RGPD1: variants seen among roughly 807,000 people sequenced by gnomAD.
RGPD1 encodes RANBP2-like and GRIP domain-containing protein 1.
In RGPD1, 7 loss-of-function variants were observed where a neutral mutation model predicts 40.6. That is an observed-to-expected ratio of 0.17 (90% CI 0.10 to 0.32). The LOEUF is 0.32. Ranked by LOEUF, RGPD1 falls within the 10% of genes least tolerant of loss-of-function variation. The pLI, the probability that RGPD1 is intolerant of heterozygous loss-of-function variation, is 1.00. For synonymous variants in RGPD1, 24 were observed against 167.0 expected, an observed-to-expected ratio of 0.14 and a Z score of 6.60; for missense variants, 50 against 472.5, an observed-to-expected ratio of 0.11 and a Z score of 8.29.
chr2:86,960,726 C>A (rs1451100895), intron 6 of RGPD1, among the ~76,000 whole-genome samples: 3 of 89,152 alleles, frequency 3.4e-5, no homozygotes, highest in South Asian at 3.4e-4. Flanking sequence ...AGTAGCTGGG[C>A]CTACAGGTGC....
In RGPD1 at chr2:86,942,291, G is replaced by A. The variant is rs1167508635; in HGVS notation, c.55G>A (p.Ala19Thr). Residue 19 changes from alanine (A) to threonine (T), a missense_variant, in exon 1 of 23, where the codon GCC (alanine) becomes ACC (threonine). By Grantham distance (58) the Ala-to-Thr change is moderately conservative. Coordinates refer to ENST00000641458, the MANE Select transcript of RGPD1 (RefSeq NM_001382344.1). ...GTACGTCGCCTCGGTGCAGGGCTCCGCCCCGTCGCCTGGAAAGGTGAGTGG... is the reference window on the plus strand; with the variant it reads ...GTACGTCGCCTCGGTGCAGGGCTCCACCCCGTCGCCTGGAAAGGTGAGTGG... ...ERYVASVQGS[A>T]PSPGKKLRGF... The A allele has an allele frequency of 3.2e-5, 51 of 1,601,850 alleles. No individual in the cohort carries two copies. The highest frequency in any genetic ancestry group is 4.2e-5 in the Non-Finnish European group (49 of 1,175,616).
At chr2:86,996,999 A>C (rs1484931315) in intron 21 of RGPD1, among the ~76,000 whole-genome samples, 2 of 134,438 alleles carry the variant, frequency 1.5e-5, no homozygotes, top group African/African-American at 3.0e-5. Flanking sequence ...GAGACGTTCC[A>C]TCAGTTCCCC....
At chr2:86,933,131 A>G (rs1169113675) in intron 1 of RGPD1, among the ~76,000 whole-genome samples, 2 of 149,342 alleles carry the variant, frequency 1.3e-5, no homozygotes, top group African/African-American at 2.4e-5. Flanking sequence ...ATAAATATGT[A>G]TACACATATA....
intron 1 of RGPD1, among the ~76,000 whole-genome samples, chr2:86,918,617 G>A (rs1677908449): frequency 6.7e-6 from 1 of 148,526 alleles, no homozygotes. Flanking sequence ...CCGCCACCAC[G>A]CCCGGCTAAT....
At chr2:86,960,644 C>T (rs1226097288) in intron 6 of RGPD1, among the ~76,000 whole-genome samples, 1 of 125,028 alleles carries the variant, frequency 8.0e-6, no homozygotes, top group Non-Finnish European at 1.6e-5. Context: ...GGCTGGAGTG[C>T]AGTGGTGCCA....
chr2:86,914,030 C>CCTCGGCCTCCGCCTGGCCG (rs1677587581), intron 1 of RGPD1: 1 of 51,330 alleles, frequency 1.9e-5, no homozygotes, highest in Non-Finnish European at 3.4e-5. Flanking sequence ...GCGGCGGCGG[C>CCTCGGCCTCCGCCTGGCCG]GGCGGCGGCG....
chr2:86,918,435 T>C lies in RGPD1; in HGVS notation c.72+4514T>C, dbSNP rs574350159. The stretch of plus-strand genomic sequence containing the variant: ...CTCAGCTGTACCATTCTATATGTTT[T>C]AGCCTTGCACACCAAATCTTTTTTT... On this transcript the variant is annotated intron_variant, in intron 1 of 22. Coordinates refer to the RGPD1 transcript ENST00000398193. Among the ~76,000 whole-genome samples, 10 of 145,562 alleles carry C rather than the reference T, an allele frequency of 6.9e-5. No homozygotes were observed. The South Asian group carries it at 2.0e-3, about 29-fold the overall frequency.
intron 1 of RGPD1, among the ~76,000 whole-genome samples, chr2:86,918,202 C>T (rs1341273925): frequency 1.3e-5 from 2 of 151,092 alleles, no homozygotes; most frequent in Non-Finnish European, 3.0e-5. Flanking sequence ...ACCATCTACT[C>T]TGTTAATGGT....
chr2:86,914,526 G>T (rs1179299711), intron 1 of RGPD1, among the ~76,000 whole-genome samples: 2 of 36,124 alleles, frequency 5.5e-5, no homozygotes, highest in Non-Finnish European at 1.1e-4. Flanking sequence ...GGCGGCGGCG[G>T]CGGCCTCGGC....
intron 1 of RGPD1, among the ~76,000 whole-genome samples, chr2:86,920,167 T>G (rs1297224801): frequency 3.9e-5 from 6 of 151,922 alleles, no homozygotes; most frequent in Admixed American, 3.3e-4. Flanking sequence ...CCTCCTAAGT[T>G]GAAGCGATTC....
intron 22 of RGPD1, among the ~76,000 whole-genome samples, chr2:87,000,146 T>C (rs1681922587): frequency 8.3e-6 from 1 of 120,666 alleles, no homozygotes; most frequent in Non-Finnish European, 1.6e-5. Flanking sequence ...CACCTAAGAG[T>C]AAAACTGCCC....
intron 1 of RGPD1, among the ~76,000 whole-genome samples, chr2:86,915,763 AG>A (rs2104651246): frequency 1.7e-4 from 2 of 11,822 alleles, no homozygotes. Flanking sequence ...GTGGCATGAC[AG>A]TGGAAAGGGA....
In RGPD1 at chr2:86,945,735, G is replaced by A. The variant is rs1460513036; in HGVS notation, c.72+3427G>A. Among the ~76,000 whole-genome samples the A allele has an allele frequency of 2.1e-4, 31 of 150,176 alleles. No individual in the cohort carries two copies. In the East Asian group the frequency reaches 5.9e-3, roughly 29 times the overall value. ...TCTATTAAAAATACAAAAATGAGCC[G>A]GGCGTGGTGGCAGCGCCTGTAGTCC... is the stretch of plus-strand genomic sequence containing the variant. On this transcript the variant is annotated intron_variant, in intron 1 of 22. Coordinates refer to ENST00000641458, the MANE Select transcript of RGPD1 (RefSeq NM_001382344.1).
At chr2:86,924,665 C>A (rs562031772) in intron 1 of RGPD1, among the ~76,000 whole-genome samples, 1 of 151,326 alleles carries the variant, frequency 6.6e-6, no homozygotes, top group African/African-American at 2.4e-5. Context: ...CAAGGTCTTA[C>A]TATAATATGT....
intron 1 of RGPD1, among the ~76,000 whole-genome samples, chr2:86,925,996 A>G (rs1442294932): frequency 6.6e-6 from 1 of 151,598 alleles, no homozygotes; most frequent in Non-Finnish European, 1.5e-5. Context: ...TATTTTATAA[A>G]ATGTTATTAA....
chr2:86,947,934 TAA>T (rs893490598), intron 1 of RGPD1, among the ~76,000 whole-genome samples: 1 of 93,068 alleles, frequency 1.1e-5, no homozygotes, highest in African/African-American at 4.1e-5. Flanking sequence ...CCGTTTGAAT[TAA>T]AAAAAAAGAG....
intron 1 of RGPD1, among the ~76,000 whole-genome samples, chr2:86,915,358 A>G (rs1558780639): frequency 6.7e-6 from 1 of 149,478 alleles, no homozygotes; most frequent in African/African-American, 2.5e-5. Context: ...AGGAATTTTC[A>G]CTGCTGGTAA....
At chr2:86,935,098 A>G (rs1260034654) in intron 1 of RGPD1, among the ~76,000 whole-genome samples, 1 of 148,076 alleles carries the variant, frequency 6.8e-6, no homozygotes, top group Non-Finnish European at 1.5e-5. Context: ...TTGGCCTTCC[A>G]AAGTGCTGGG....
At chr2:86,925,966 C>G (rs1678462960) in intron 1 of RGPD1, among the ~76,000 whole-genome samples, 1 of 152,070 alleles carries the variant, frequency 6.6e-6, no homozygotes, top group East Asian at 1.9e-4. Flanking sequence ...AATATTTTCA[C>G]ACCTGGAGTT....
Sources: allele counts gnomAD v4.1 joint callset (sites outside exome capture counted in the v4.1 genomes callset), GRCh38; gene constraint gnomAD v4.1.1; transcripts MANE v1.5; gene names NCBI Gene and HGNC (gene_info 2026-07-23, HGNC 2026-07-21).